MID1: variants seen among roughly 807,000 people sequenced by gnomAD.
MID1 encodes the protein E3 ubiquitin-protein ligase Midline-1.
Under a neutral mutation model 40.4 loss-of-function variants are expected in MID1, and 7 were observed. The ratio of observed to expected loss-of-function variants is 0.17; its 90% CI spans 0.10 to 0.33. The LOEUF (loss-of-function observed/expected upper bound fraction) is 0.33, where lower values mean the gene tolerates loss of function less well. Among genes scored for constraint, MID1 ranks in the 10% least tolerant of loss-of-function variants. The pLI is 1.00. For synonymous variants in MID1, 229 were observed against 221.2 expected (o/e 1.04, Z -0.31); for missense variants, 367 against 558.5 (o/e 0.66, Z 3.46).
intron 1 of MID1, among the ~76,000 whole-genome samples, chrX:10,820,286 T>G (rs2044165793): frequency 1.8e-5 from 2 of 111,942 alleles, no homozygotes; most frequent in African/African-American, 6.5e-5. Flanking sequence ...GGCAAATCCA[T>G]AAAGCTACAG....
chrX:10,506,266 TA>T, intron 3 of MID1: 1 of 1,009,714 alleles, frequency 9.9e-7, no homozygotes, highest in Non-Finnish European at 1.3e-6. Context: ...AGACTTGTGC[TA>T]TCATTTCATT....
At chrX:10,584,531 G>A (rs1935093709) in intron 1 of MID1, among the ~76,000 whole-genome samples, 1 of 112,187 alleles carries the variant, frequency 8.9e-6, no homozygotes, top group African/African-American at 3.2e-5. Flanking sequence ...AGGGAAGAGT[G>A]CTGGGGGAAA....
intron 1 of MID1, among the ~76,000 whole-genome samples, chrX:10,649,718 A>G (rs1936297891): frequency 8.9e-6 from 1 of 111,896 alleles, no homozygotes; most frequent in Admixed American, 9.5e-5. Context: ...GCAATGTGGA[A>G]TACTGTTGAT....
intron 4 of MID1, among the ~76,000 whole-genome samples, chrX:10,483,471 G>C (rs188203498): frequency 8.9e-6 from 1 of 111,977 alleles, no homozygotes; most frequent in South Asian, 3.8e-4. Context: ...CCACTTGACC[G>C]TTCGCTCTTG....
chrX:10,803,165 C>T (rs1339427717), intron 1 of MID1, among the ~76,000 whole-genome samples: 2 of 109,119 alleles, frequency 1.8e-5, no homozygotes, highest in African/African-American at 6.7e-5. Context: ...ACACATACTC[C>T]CTGAATCTAA....
chrX:10,801,136 T>G (rs2044004034), intron 1 of MID1, among the ~76,000 whole-genome samples: 1 of 111,637 alleles, frequency 9.0e-6, no homozygotes. Context: ...ATTACATTAG[T>G]AGTACAAGAA....
intron 4 of MID1, among the ~76,000 whole-genome samples, chrX:10,488,376 A>G (rs949542891): frequency 3.6e-5 from 4 of 111,568 alleles, no homozygotes; most frequent in Non-Finnish European, 7.5e-5. Flanking sequence ...TTACTTAAGA[A>G]ACTGCCAGCT....
At chrX:10,571,068 G>A (rs1000515793) in intron 1 of MID1, among the ~76,000 whole-genome samples, 1 of 112,245 alleles carries the variant, frequency 8.9e-6, no homozygotes, top group Non-Finnish European at 1.9e-5. Context: ...TATGTGACTC[G>A]AGTGCTTAGG....
intron 1 of MID1, among the ~76,000 whole-genome samples, chrX:10,593,790 C>CACAT (rs968811518): frequency 1.8e-5 from 2 of 109,193 alleles, no homozygotes; most frequent in African/African-American, 6.7e-5. Flanking sequence ...CACACACACA[C>CACAT]ACACACACAC....
chrX:10,833,670 C>T (rs1381925487), upstream of MID1: 2 of 112,311 alleles, frequency 1.8e-5, no homozygotes, highest in African/African-American at 6.5e-5. Context: ...CTCTTTGCCT[C>T]GGATCAGCTG....
intron 3 of MID1, among the ~76,000 whole-genome samples, chrX:10,510,976 C>G (rs139318036): frequency 1.6e-4 from 17 of 106,504 alleles, no homozygotes; most frequent in African/African-American, 5.1e-4. Context: ...TGGGCGTGGT[C>G]GCTCATGCCT....
intron 1 of MID1, among the ~76,000 whole-genome samples, chrX:10,776,649 C>T (rs993836004): frequency 9.0e-6 from 1 of 110,691 alleles, no homozygotes; most frequent in East Asian, 2.8e-4. Flanking sequence ...GAAGATCACT[C>T]GAGTCCATGA....
intron 7 of MID1, among the ~76,000 whole-genome samples, chrX:10,466,369 C>T (rs910963265): frequency 2.7e-5 from 3 of 111,946 alleles, no homozygotes; most frequent in Non-Finnish European, 5.6e-5. Flanking sequence ...GTTTTTCCTT[C>T]CATGCTACAT....
intron 3 of MID1, among the ~76,000 whole-genome samples, chrX:10,516,434 T>C (rs1932416963): frequency 9.1e-6 from 1 of 110,192 alleles, no homozygotes; most frequent in African/African-American, 3.3e-5. Flanking sequence ...GACCTCGTGA[T>C]CCACCCACCT....
chrX:10,592,497 C>T (rs961228627), intron 1 of MID1, among the ~76,000 whole-genome samples: 2 of 108,971 alleles, frequency 1.8e-5, no homozygotes, highest in Admixed American at 9.9e-5. Context: ...CTCTAAATGG[C>T]AGGTTTAAAG....
intron 1 of MID1, among the ~76,000 whole-genome samples, chrX:10,805,236 A>T (rs1281029718): frequency 1.8e-5 from 1 of 56,764 alleles, no homozygotes; most frequent in Admixed American, 2.4e-4. Flanking sequence ...CCACCCCACA[A>T]CAGTCCCCAG....
intron 5 of MID1, among the ~76,000 whole-genome samples, 171 bp downstream of exon 5, chrX:10,482,309 A>G (rs1450067594): frequency 1.8e-5 from 2 of 111,676 alleles, no homozygotes; most frequent in African/African-American, 6.5e-5. Flanking sequence ...GGGCTTTCAC[A>G]TGTCAAAAGG....
intron 3 of MID1, chrX:10,506,188 A>G: frequency 2.1e-6 from 2 of 942,308 alleles, no homozygotes; most frequent in Non-Finnish European, 2.6e-6. Flanking sequence ...ACGTTTATTC[A>G]AACACAATGA....
At chrX:10,530,043 A>G (rs755588931) in intron 2 of MID1, among the ~76,000 whole-genome samples, 2 of 112,222 alleles carry the variant, frequency 1.8e-5, no homozygotes, top group South Asian at 7.4e-4. Flanking sequence ...TCTGACCCCA[A>G]GAAGAGGGCC....
Sources: gnomAD v4.1 joint callset for allele counts (sites outside exome capture counted in the v4.1 genomes callset) on GRCh38, gnomAD v4.1.1 for gene constraint, MANE v1.5 for transcripts, NCBI Gene and HGNC (gene_info 2026-07-23, HGNC 2026-07-21) for gene names.